The following ZPBP variants were observed in gnomAD, a reference collection of about 807,000 sequenced individuals.
ZPBP encodes zona pellucida binding protein.
A neutral mutation model predicts 44.8 loss-of-function variants in ZPBP; 26 were observed. The observed-to-expected ratio is 0.58, with a 90% CI of 0.43 to 0.81. The LOEUF is 0.81. Among genes scored for constraint, ZPBP ranks in the 30% least tolerant of loss-of-function variants. The pLI is 0.00. For synonymous variants in ZPBP, 174 were observed against 153.2 expected, an observed-to-expected ratio of 1.14 and a Z score of -1.00; for missense variants, 409 against 434.0, an observed-to-expected ratio of 0.94 and a Z score of 0.51.
At chr7:49,923,855 G>T (rs1794125789) in intron 1 of ZPBP, among the ~76,000 whole-genome samples, 2 of 152,076 alleles carry the variant, frequency 1.3e-5, no homozygotes, top group Admixed American at 1.3e-4. Flanking sequence ...CGGGCATGTT[G>T]GCTCATGCCT....
intron 2 of ZPBP, among the ~76,000 whole-genome samples, chr7:49,872,027 T>C (rs572291035): frequency 8.2e-5 from 12 of 145,828 alleles, no homozygotes; most frequent in African/African-American, 2.0e-4. Flanking sequence ...TGAAGTAATA[T>C]ATAGAAAAAA....
At chr7:49,924,179 A>C (rs71538358) in intron 1 of ZPBP, among the ~76,000 whole-genome samples, 238 of 151,398 alleles carry the variant, frequency 1.6e-3, no homozygotes, top group Middle Eastern at 6.9e-3. Context: ...AAAATGGTAA[A>C]AGCACAAATA....
chr7:49,940,654 C>CAA (rs11288687), intron 7 of ZPBP: 268 of 471,870 alleles, frequency 5.7e-4, no homozygotes, highest in Middle Eastern at 1.1e-3. Flanking sequence ...GTTCTGAATC[C>CAA]AAAAAAAAAA....
At chr7:49,983,036 A>G (rs554665788) in intron 7 of ZPBP, among the ~76,000 whole-genome samples, 80 of 152,156 alleles carry the variant, frequency 5.3e-4, no homozygotes, top group Admixed American at 4.6e-4. Context: ...TCTAAAAGAT[A>G]TATTAATTGG....
At chr7:49,918,805 C>T (rs535113048) in intron 1 of ZPBP, 58 of 152,354 alleles carry the variant, frequency 3.8e-4, no homozygotes, top group African/African-American at 1.3e-3. Context: ...CGTGGTGGCT[C>T]ACGCCTATAA....
At chr7:50,074,893 C>T (rs944427842) in intron 3 of ZPBP, among the ~76,000 whole-genome samples, 1 of 151,788 alleles carries the variant, frequency 6.6e-6, no homozygotes, top group Admixed American at 6.6e-5. Context: ...AAACATCAGA[C>T]TTAATCTATA....
In ZPBP at chr7:49,942,315, C is replaced by T. The variant is rs111902615; in HGVS notation, c.962-4693G>A. 303 of 229,306 alleles carry T rather than the reference C, an allele frequency of 1.3e-3. 5 individuals carry two copies. The highest frequency in any genetic ancestry group is 6.2e-3 in the African/African-American group (262 of 42,416). The allele number at this position is 229,306 out of a possible 1,614,324, so 14.2% of individuals were successfully genotyped here. A position where few individuals can be genotyped will look rare whatever the true frequency, so the allele number is the denominator to read the frequency against. ...GAGTCATTGGTCTTCTTTTTGTTCC[C>T]GCTTGTATTTTTCACATTGTGTGTT... On this transcript the variant is annotated intron_variant, in intron 7 of 7. Transcript: ENST00000046087.
At chr7:50,089,805 G>A (rs1261208834) in intron 1 of ZPBP, 96 bp from the exon 2 acceptor site, 2 of 944,084 alleles carry the variant, frequency 2.1e-6, no homozygotes, top group Non-Finnish European at 3.3e-6. Flanking sequence ...GAAGGGGAGA[G>A]CCATAATTCA....
chr7:49,892,815 T>A (rs964974654), intron 2 of ZPBP, among the ~76,000 whole-genome samples: 1 of 152,258 alleles, frequency 6.6e-6, no homozygotes, highest in Non-Finnish European at 1.5e-5. Flanking sequence ...TAAATGTTCA[T>A]CAGATCCTAA....
rs529452500 is a variant in ZPBP at position 49,965,779 on chromosome 7, TTTACA to T, written c.961+17558_961+17562del. ...AAATAAAGCATACTATTTTAAGATGTTTACATTATATGTAAAGAGGTACAATATTA... is the reference window on the plus strand; with the variant it reads ...AAATAAAGCATACTATTTTAAGATGTTTATATGTAAAGAGGTACAATATTA... On this transcript the variant is annotated intron_variant, in intron 7 of 7. Transcript: ENST00000046087. 3.2e-3 allele frequency among the ~76,000 whole-genome samples: 482 copies of T among 152,160 alleles called. 6 individuals carry two copies. The highest frequency in any genetic ancestry group is 0.011 in the African/African-American group (449 of 41,560).
At chr7:49,868,592 T>A (rs1791007914) in intron 2 of ZPBP, among the ~76,000 whole-genome samples, 1 of 152,212 alleles carries the variant, frequency 6.6e-6, no homozygotes, top group South Asian at 2.1e-4. Flanking sequence ...ATTTGCAACA[T>A]TTAAATGTAA....
chr7:49,985,991 G>A (rs370783061), intron 6 of ZPBP, among the ~76,000 whole-genome samples: 24 of 152,252 alleles, frequency 1.6e-4, no homozygotes, highest in African/African-American at 3.4e-4. Context: ...CACTGAGAGC[G>A]TTCTTTAATA....
At chr7:49,977,823 C>G (rs1796597667) in intron 7 of ZPBP, among the ~76,000 whole-genome samples, 1 of 152,170 alleles carries the variant, frequency 6.6e-6, no homozygotes, top group Non-Finnish European at 1.5e-5. Context: ...TTCTGACATT[C>G]TATGTGTTGC....
At chr7:49,858,995 G>A (rs535880142) in intron 2 of ZPBP, among the ~76,000 whole-genome samples, 2 of 152,316 alleles carry the variant, frequency 1.3e-5, no homozygotes, top group Admixed American at 6.5e-5. Flanking sequence ...CATTGTGCTT[G>A]CTAGACATTA....
At chr7:50,074,764 A>G (rs1044156638) in intron 3 of ZPBP, among the ~76,000 whole-genome samples, 1 of 152,056 alleles carries the variant, frequency 6.6e-6, no homozygotes, top group Non-Finnish European at 1.5e-5. Context: ...ACTCAGATAT[A>G]TAAAGAAAAT....
At chr7:49,989,465 T>C (rs1293204679) in intron 6 of ZPBP, among the ~76,000 whole-genome samples, 5 of 152,218 alleles carry the variant, frequency 3.3e-5, no homozygotes, top group Admixed American at 6.5e-5. Flanking sequence ...AAAAGGTCTA[T>C]GTAAAAATAA....
intron 4 of ZPBP, among the ~76,000 whole-genome samples, chr7:50,054,547 C>A (rs190934336): frequency 2.0e-5 from 3 of 151,818 alleles, no homozygotes; most frequent in Non-Finnish European, 2.9e-5. Flanking sequence ...TATTCAAAAC[C>A]GATAACAATT....
intron 1 of ZPBP, chr7:49,914,610 C>A (rs1271794107): frequency 2.0e-5 from 3 of 152,072 alleles, no homozygotes; most frequent in African/African-American, 4.8e-5. Context: ...ATAATAATGG[C>A]ATTATTTGCA....
At chr7:50,078,507 C>T in intron 3 of ZPBP, among the ~76,000 whole-genome samples, 1 of 151,056 alleles carries the variant, frequency 6.6e-6, no homozygotes, top group African/African-American at 2.4e-5. Flanking sequence ...TTATCCACCC[C>T]ATACATATAT....
Sources: gnomAD v4.1 joint callset for allele counts (sites outside exome capture counted in the v4.1 genomes callset) on GRCh38, gnomAD v4.1.1 for gene constraint, MANE v1.5 for transcripts, NCBI Gene and HGNC (gene_info 2026-07-23, HGNC 2026-07-21) for gene names.